Variants in SMIM23 observed in about 807,000 individuals in gnomAD.
SMIM23 encodes CTB-78H18.1.
In SMIM23, 10 loss-of-function variants were observed where a neutral mutation model predicts 12.8. That is an observed-to-expected ratio of 0.78 (90% CI 0.48 to 1.32). The LOEUF is 1.32. Ranked by LOEUF, SMIM23 falls within the 40% of genes most tolerant of loss-of-function variation. The pLI is 0.00. For synonymous variants in SMIM23, 78 were observed against 80.1 expected, an observed-to-expected ratio of 0.97 and a Z score of 0.14; for missense variants, 184 against 198.2, an observed-to-expected ratio of 0.93 and a Z score of 0.43.
chr5:171,786,745 C>G (rs941446880), intron 1 of SMIM23, among the ~76,000 whole-genome samples: 12 of 152,130 alleles, frequency 7.9e-5, no homozygotes, highest in African/African-American at 2.9e-4. Context: ...ATAACAGGGG[C>G]CTTCATGGGC....
At chr5:171,785,804 GT>G, upstream of SMIM23, 1 of 1,292,614 alleles carries the variant, frequency 7.7e-7, no homozygotes, top group East Asian at 2.5e-5. Context: ...GTGACCACAG[GT>G]GGGGGAGGGG....
chr5:171,786,415 C>T (rs2113649521), intron 1 of SMIM23, among the ~76,000 whole-genome samples: 1 of 152,270 alleles, frequency 6.6e-6, no homozygotes, highest in South Asian at 2.1e-4. Flanking sequence ...CTGGTGCATC[C>T]ACACCCCATC....
At chr5:171,781,105 T>C (rs977867535), upstream of SMIM23, among the ~76,000 whole-genome samples, 3 of 152,228 alleles carry the variant, frequency 2.0e-5, no homozygotes, top group Non-Finnish European at 4.4e-5. Flanking sequence ...TAGTTGCACA[T>C]GGTAATGATA....
At chr5:171,790,408 C>A in intron 2 of SMIM23, 74 bp from the exon 3 acceptor site, 7 of 1,511,826 alleles carry the variant, frequency 4.6e-6, no homozygotes, top group Non-Finnish European at 6.2e-6. Flanking sequence ...CTTCATCACA[C>A]TGGGATAACT....
chr5:171,780,385 C>T (rs1459975854), upstream of SMIM23, among the ~76,000 whole-genome samples: 3 of 152,130 alleles, frequency 2.0e-5, no homozygotes, highest in Non-Finnish European at 2.9e-5. Flanking sequence ...ACACCAGCTA[C>T]TGGGCCAGTT....
At chr5:171,777,456 T>C (rs26407), upstream of SMIM23, among the ~76,000 whole-genome samples, 58,823 of 152,102 alleles carry the variant, frequency 0.39, 12,515 homozygotes, top group African/African-American at 0.58. Context: ...AAGGGTATTT[T>C]TGGTGTGGCC....
At chr5:171,773,826 A>G in the SMIM23 span, 1 of 456,364 alleles carries the variant, frequency 2.2e-6, no homozygotes, top group Non-Finnish European at 4.4e-6. Flanking sequence ...AGATTGTATG[A>G]GAAAGCTCCT....
chr5:171,781,323 G>A (rs1179436013), upstream of SMIM23, among the ~76,000 whole-genome samples: 1 of 152,180 alleles, frequency 6.6e-6, no homozygotes, highest in Non-Finnish European at 1.5e-5. Context: ...TCTGCCACAT[G>A]TATACTAAGG....
Position 171,785,897 on chromosome 5 carries a change from G to A in SMIM23, c.26G>A (p.Arg9Lys), listed in dbSNP as rs1320173433. 1 of 1,536,174 alleles carries A rather than the reference G, an allele frequency of 6.5e-7. No homozygotes were observed. The highest frequency in any genetic ancestry group is 1.4e-5 in the African/African-American group (1 of 73,064). The stretch of plus-strand genomic sequence containing the variant: ...ATGGCAACCCAGCAAGTGGACAGCA[G>A]AAGGCAGGTGGCAGCAGAGCAGGTG... MATQQVDS[R>K]RQVAAEQVAA... The change falls in exon 1 of 4, where the codon AGA becomes AAA. Residue 9 changes from arginine to lysine, a missense_variant. Coordinates refer to ENST00000523047, the MANE Select transcript of SMIM23 (RefSeq NM_001289970.2).
chr5:171,784,551 G>A (rs184100921), upstream of SMIM23, among the ~76,000 whole-genome samples: 489 of 151,996 alleles, frequency 3.2e-3, 5 homozygotes, highest in African/African-American at 0.011. Context: ...GTGGGGATGA[G>A]GAGAAACCAA....
intron 1 of SMIM23, 26 bp from the exon 2 acceptor site, chr5:171,790,204 C>CTCCTCT (rs1755896075): frequency 1.3e-6 from 2 of 1,535,376 alleles, no homozygotes; most frequent in African/African-American, 2.7e-5. Flanking sequence ...CATGTTCTTC[C>CTCCTCT]TCCTCTTCCT....
chr5:171,788,416 A>C (rs1294976049), intron 1 of SMIM23, among the ~76,000 whole-genome samples: 5 of 152,162 alleles, frequency 3.3e-5, no homozygotes, highest in African/African-American at 7.2e-5. Context: ...AACAAAAAAC[A>C]TACATAGAAA....
upstream of SMIM23, among the ~76,000 whole-genome samples, chr5:171,778,047 T>A (rs1182603431): frequency 6.6e-6 from 1 of 152,160 alleles, no homozygotes; most frequent in Non-Finnish European, 1.5e-5. Flanking sequence ...GCAGATGTCA[T>A]CAAATGCAGG....
chr5:171,785,210 G>A (rs151243076), upstream of SMIM23, among the ~76,000 whole-genome samples: 270 of 152,208 alleles, frequency 1.8e-3, no homozygotes, highest in Non-Finnish European at 3.3e-3. Flanking sequence ...GGAAGTCTGC[G>A]TAAGATTGGT....
chr5:171,790,780 G>A lies in SMIM23; in HGVS notation c.226-15G>A. ...TGAGAAAGCACAGGATGCCACTTCT[G>A]TGTCTGCCTTCCAGGGGCTTGAATA... On this transcript the variant is annotated splice_polypyrimidine_tract_variant and intron_variant, in intron 3 of 3. Transcript: ENST00000523047. The A allele has an allele frequency of 1.3e-6, 2 of 1,536,104 alleles. No individual in the cohort carries two copies. The highest frequency in any genetic ancestry group is 1.2e-5 in the South Asian group (1 of 84,050).
chr5:171,781,683 T>G (rs1266583768), upstream of SMIM23, among the ~76,000 whole-genome samples: 1 of 152,136 alleles, frequency 6.6e-6, no homozygotes, highest in Non-Finnish European at 1.5e-5. Context: ...AATAAAGATA[T>G]GCAGAAAAGG....
At chr5:171,774,608 C>A in the SMIM23 span, 1 of 454,444 alleles carries the variant, frequency 2.2e-6, no homozygotes, top group Non-Finnish European at 4.4e-6. Flanking sequence ...CCTGCCCCAC[C>A]CCACCCCACC....
upstream of SMIM23, among the ~76,000 whole-genome samples, chr5:171,777,692 G>A (rs998117494): frequency 1.3e-4 from 20 of 152,200 alleles, no homozygotes; most frequent in Non-Finnish European, 2.5e-4. Flanking sequence ...TCCTGGGGCC[G>A]AGAGCTCGGA....
chr5:171,790,732 G>C (rs895353202), intron 3 of SMIM23, 63 bp from the exon 4 acceptor site: 114 of 1,517,180 alleles, frequency 7.5e-5, no homozygotes, highest in Middle Eastern at 6.8e-4. Context: ...GAAACCAGTG[G>C]GGATGGGGAG....
Sources: allele counts gnomAD v4.1 joint callset (sites outside exome capture counted in the v4.1 genomes callset), GRCh38; gene constraint gnomAD v4.1.1; transcripts MANE v1.5; gene names NCBI Gene and HGNC (gene_info 2026-07-23, HGNC 2026-07-21).